Variants in CDH19 observed in about 807,000 individuals in gnomAD.
The protein encoded by CDH19 is cadherin 19.
In CDH19, 67 loss-of-function variants were observed where a neutral mutation model predicts 64.2. The observed-to-expected ratio is 1.04, with a 90% CI of 0.86 to 1.28. The LOEUF is 1.28. Among genes scored for constraint, CDH19 ranks in the 50% most tolerant of loss-of-function variants. The pLI, the probability that CDH19 is intolerant of heterozygous loss-of-function variation, is 0.00. For synonymous variants in CDH19, 346 were observed against 319.3 expected (o/e 1.08, Z -0.89); for missense variants, 1,030 against 929.0 (o/e 1.11, Z -1.41).
intron 1 of CDH19, among the ~76,000 whole-genome samples, chr18:66,598,898 T>G (rs1257772343): frequency 6.6e-6 from 1 of 152,048 alleles, no homozygotes; most frequent in Non-Finnish European, 1.5e-5. Context: ...GAAAGTACAC[T>G]TCAAAGACAT....
rs181111280 is a variant in CDH19, at chr18:66,601,651, A to G, written c.-113+2303T>C. Among the ~76,000 whole-genome samples the G allele has an allele frequency of 1.2e-4, 19 of 152,106 alleles. No individual in the cohort carries two copies. In the East Asian group the frequency reaches 3.7e-3, roughly 29 times the overall value. On this transcript the variant is annotated intron_variant, in intron 1 of 11. Transcript: ENST00000262150. ...TAATGTGACACATTTTGACAAAGGT[A>G]TGTATTCTAGAGTATGTTTTAAATT...
intron 9 of CDH19, among the ~76,000 whole-genome samples, chr18:66,514,284 C>G (rs993890480): frequency 6.6e-6 from 1 of 150,760 alleles, no homozygotes; most frequent in African/African-American, 2.4e-5. Flanking sequence ...AAAATGATAC[C>G]GTAAAAGACA....
chr18:66,524,542 G>GTA (rs72219868), intron 9 of CDH19, among the ~76,000 whole-genome samples: 4,862 of 94,430 alleles, frequency 0.051, 134 homozygotes, highest in East Asian at 0.08. Context: ...ATGTTTGTGT[G>GTA]TATATATATA....
intron 1 of CDH19, 122 bp from the exon 2 acceptor site, chr18:66,572,438 T>G: frequency 3.0e-6 from 1 of 337,506 alleles, no homozygotes. Context: ...ACATTTAATT[T>G]ATCTTCCAAT....
chr18:66,576,992 CATAA>C (rs1218971054), intron 1 of CDH19, among the ~76,000 whole-genome samples: 3 of 151,318 alleles, frequency 2.0e-5, no homozygotes, highest in Non-Finnish European at 4.4e-5. Flanking sequence ...AAGATTGGGA[CATAA>C]ATCTAACAAA....
At chr18:66,552,444 G>T (rs1987378143) in intron 4 of CDH19, among the ~76,000 whole-genome samples, 1 of 151,900 alleles carries the variant, frequency 6.6e-6, no homozygotes, top group African/African-American at 2.4e-5. Flanking sequence ...TAACATGAGG[G>T]GATTTTAGTT....
intron 9 of CDH19, among the ~76,000 whole-genome samples, chr18:66,517,124 A>G (rs1985772113): frequency 1.3e-5 from 2 of 152,058 alleles, no homozygotes; most frequent in African/African-American, 4.8e-5. Flanking sequence ...TCAGGCAGAG[A>G]TACAGTTATT....
At chr18:66,546,882 C>T (rs1987137213) in intron 5 of CDH19, among the ~76,000 whole-genome samples, 1 of 152,010 alleles carries the variant, frequency 6.6e-6, no homozygotes, top group African/African-American at 2.4e-5. Context: ...AGTAAGCAAA[C>T]AGGCAGATAG....
chr18:66,525,350 G>A (rs556005037), intron 9 of CDH19, among the ~76,000 whole-genome samples: 1 of 152,122 alleles, frequency 6.6e-6, no homozygotes, highest in African/African-American at 2.4e-5. Context: ...ACCTTTGAAA[G>A]CATTTTTTTT....
intron 5 of CDH19, among the ~76,000 whole-genome samples, chr18:66,545,948 C>CTTTTTTTT (rs11450520): frequency 1.3e-5 from 2 of 149,878 alleles, no homozygotes; most frequent in Non-Finnish European, 1.5e-5. Context: ...TTGCTGGGCA[C>CTTTTTTTT]TTTTTTTTTT....
chr18:66,585,000 A>G (rs1025856634), intron 1 of CDH19, among the ~76,000 whole-genome samples: 7 of 152,052 alleles, frequency 4.6e-5, no homozygotes, highest in African/African-American at 1.7e-4. Flanking sequence ...AACACTCTCA[A>G]TAGCCAAAAT....
At chr18:66,594,170 G>GCATTACATA (rs1235881410) in intron 1 of CDH19, among the ~76,000 whole-genome samples, 1 of 151,952 alleles carries the variant, frequency 6.6e-6, no homozygotes, top group African/African-American at 2.4e-5. Flanking sequence ...ACAAAAATCG[G>GCATTACATA]CATTACATAA....
intron 1 of CDH19, among the ~76,000 whole-genome samples, chr18:66,593,396 G>A (rs1988797538): frequency 6.6e-6 from 1 of 151,748 alleles, no homozygotes; most frequent in Admixed American, 6.6e-5. Context: ...ATTATTTATT[G>A]TGTCTAAACT....
intron 11 of CDH19, among the ~76,000 whole-genome samples, chr18:66,506,649 A>C (rs532492169): frequency 6.6e-6 from 1 of 151,752 alleles, no homozygotes; most frequent in Non-Finnish European, 1.5e-5. Flanking sequence ...CTTTTGCTTT[A>C]ATTTTAAATA....
intron 4 of CDH19, among the ~76,000 whole-genome samples, chr18:66,552,056 G>C (rs990392815): frequency 1.9e-4 from 29 of 151,970 alleles, no homozygotes; most frequent in African/African-American, 5.6e-4. Context: ...AGGACTACTA[G>C]AGAGGGGAAG....
At chr18:66,525,295 C>T (rs569362696) in intron 9 of CDH19, among the ~76,000 whole-genome samples, 16 of 152,120 alleles carry the variant, frequency 1.1e-4, no homozygotes, top group South Asian at 8.3e-4. Flanking sequence ...AAAATAATTA[C>T]GGTTCATATG....
chr18:66,575,175 A>G (rs1257044259), intron 1 of CDH19, among the ~76,000 whole-genome samples: 1 of 151,854 alleles, frequency 6.6e-6, no homozygotes, highest in Admixed American at 6.6e-5. Context: ...TCATTTCATT[A>G]TAATGGTAGT....
chr18:66,532,719 G>A (rs74559040), intron 8 of CDH19: 2 of 452,240 alleles, frequency 4.4e-6, no homozygotes. Context: ...TATCCTAGAT[G>A]TGGGGAAGGA....
intron 1 of CDH19, among the ~76,000 whole-genome samples, chr18:66,588,215 TG>T (rs1036054884): frequency 2.0e-5 from 3 of 152,078 alleles, no homozygotes; most frequent in African/African-American, 7.2e-5. Context: ...CATGTGAGGG[TG>T]ATCCTGCAAT....
Sources: allele counts gnomAD v4.1 joint callset (sites outside exome capture counted in the v4.1 genomes callset), GRCh38; gene constraint gnomAD v4.1.1; transcripts MANE v1.5; gene names NCBI Gene and HGNC (gene_info 2026-07-23, HGNC 2026-07-21).